CSMD1: variants seen among roughly 807,000 people sequenced by gnomAD.
CSMD1 encodes CUB and sushi domain-containing protein 1.
A neutral mutation model predicts 417.5 loss-of-function variants in CSMD1; 213 were observed. The observed-to-expected ratio is 0.51, with a 90% CI of 0.46 to 0.57. The LOEUF (loss-of-function observed/expected upper bound fraction) is 0.57, where lower values mean the gene tolerates loss of function less well. Among genes scored for constraint, CSMD1 ranks in the 20% least tolerant of loss-of-function variants. CSMD1 has a pLI of 0.00. For synonymous variants in CSMD1, 2,862 were observed against 1,736.8 expected, an observed-to-expected ratio of 1.65 and a Z score of -16.11; for missense variants, 6,923 against 4,529.7, an observed-to-expected ratio of 1.53 and a Z score of -15.17.
chr8:3,352,593 A>T (rs928404148), intron 21 of CSMD1, among the ~76,000 whole-genome samples: 16 of 152,200 alleles, frequency 1.1e-4, no homozygotes, highest in Non-Finnish European at 2.1e-4. Context: ...TAATCCTAGC[A>T]GTTTGGGAGC....
At chr8:4,098,093 A>C (rs929456441) in intron 3 of CSMD1, among the ~76,000 whole-genome samples, 3 of 152,222 alleles carry the variant, frequency 2.0e-5, no homozygotes, top group African/African-American at 4.8e-5. Flanking sequence ...ATATCTCAAC[A>C]ACAAAGGCTG....
intron 1 of CSMD1, among the ~76,000 whole-genome samples, chr8:4,748,287 T>C (rs1383132553): frequency 6.6e-6 from 1 of 152,236 alleles, no homozygotes; most frequent in Non-Finnish European, 1.5e-5. Flanking sequence ...CAAATCATCA[T>C]CCTTTCTACA....
intron 23 of CSMD1, among the ~76,000 whole-genome samples, chr8:3,314,304 G>C (rs1030863478): frequency 1.3e-5 from 2 of 152,100 alleles, no homozygotes; most frequent in Non-Finnish European, 2.9e-5. Context: ...ATTCTACAAA[G>C]ATATTCTTCC....
intron 1 of CSMD1, among the ~76,000 whole-genome samples, chr8:4,920,866 GAAAAGAAAAGAAAAGAAAAGAAAAGA>G (rs1806396754): frequency 3.5e-4 from 2 of 5,734 alleles, no homozygotes; most frequent in African/African-American, 7.0e-4. Flanking sequence ...GAAAAGAAAA[GAAAAGAAAAGAAAAGAAAAGAAAAGA>G]AAAGAAAAGA....
chr8:4,554,605 C>G (rs1017430246), intron 2 of CSMD1, among the ~76,000 whole-genome samples: 1 of 152,142 alleles, frequency 6.6e-6, no homozygotes, highest in African/African-American at 2.4e-5. Flanking sequence ...ATACACCGTT[C>G]TCAGGATGTG....
intron 5 of CSMD1, among the ~76,000 whole-genome samples, chr8:3,817,131 T>G (rs577725255): frequency 6.6e-6 from 1 of 151,990 alleles, no homozygotes; most frequent in Non-Finnish European, 1.5e-5. Flanking sequence ...GAGCTCTTCA[T>G]GATGAAGGGA....
At chr8:4,152,668 C>A (rs983451684) in intron 3 of CSMD1, among the ~76,000 whole-genome samples, 1 of 151,638 alleles carries the variant, frequency 6.6e-6, no homozygotes, top group African/African-American at 2.4e-5. Context: ...GCAACCCAAG[C>A]AACAGAGCGA....
At chr8:4,092,679 T>A (rs1443841191) in intron 3 of CSMD1, among the ~76,000 whole-genome samples, 1 of 152,204 alleles carries the variant, frequency 6.6e-6, no homozygotes, top group East Asian at 1.9e-4. Context: ...AGGTCCTTTT[T>A]CTTGAATATT....
At chr8:3,646,308 T>C (rs1325957849) in intron 7 of CSMD1, among the ~76,000 whole-genome samples, 1 of 152,168 alleles carries the variant, frequency 6.6e-6, no homozygotes, top group East Asian at 1.9e-4. Flanking sequence ...ATATACTAAA[T>C]ATACTAAAAT....
At chr8:3,864,348 G>C (rs2975362) in intron 5 of CSMD1, among the ~76,000 whole-genome samples, 33,625 of 140,374 alleles carry the variant, frequency 0.24, 3,876 homozygotes, top group East Asian at 0.35. Context: ...ACGATGCATA[G>C]ATAACCACAG....
At chr8:4,459,196 A>T (rs1475485499) in intron 2 of CSMD1, among the ~76,000 whole-genome samples, 1 of 152,202 alleles carries the variant, frequency 6.6e-6, no homozygotes, top group African/African-American at 2.4e-5. Context: ...CCAACAGGCC[A>T]TGTCGCTTTC....
At chr8:4,643,086 T>C (rs1803304051) in intron 1 of CSMD1, among the ~76,000 whole-genome samples, 1 of 152,140 alleles carries the variant, frequency 6.6e-6, no homozygotes, top group Non-Finnish European at 1.5e-5. Flanking sequence ...TGTGTGTAAA[T>C]AGAGTCCAGG....
chr8:4,174,268 G>C (rs752809107), intron 3 of CSMD1, among the ~76,000 whole-genome samples: 1 of 152,174 alleles, frequency 6.6e-6, no homozygotes. Flanking sequence ...TCTTCAGCAA[G>C]AATAGAGGCT....
chr8:4,815,865 G>A (rs905207541), intron 1 of CSMD1, among the ~76,000 whole-genome samples: 2 of 152,104 alleles, frequency 1.3e-5, no homozygotes, highest in African/African-American at 4.8e-5. Context: ...GTTTTAAAGA[G>A]TGGGACTGCT....
At chr8:3,879,836 CGT>C (rs55713446) in intron 5 of CSMD1, among the ~76,000 whole-genome samples, 35,108 of 150,444 alleles carry the variant, frequency 0.23, 5,366 homozygotes, top group African/African-American at 0.44. Context: ...TGTGCGTGTG[CGT>C]GTGTGTGTGT....
rs538377904 is a variant in CSMD1 at position 3,478,159 on chromosome 8, C to T, written c.1449-9335G>A. On this transcript the variant is annotated intron_variant, in intron 11 of 69. Transcript: ENST00000635120. Reference sequence around the variant, plus strand: ...TTATTTACTGTGCTGAAATCCATTACAGCCAGGTGGCACAGAAGATGATGT... The same window carrying T: ...TTATTTACTGTGCTGAAATCCATTATAGCCAGGTGGCACAGAAGATGATGT... Among the ~76,000 whole-genome samples the T allele has an allele frequency of 1.6e-4, 24 of 152,332 alleles. 1 individual carries two copies. The South Asian group carries it at 4.8e-3, about 30-fold the overall frequency.
intron 1 of CSMD1, among the ~76,000 whole-genome samples, chr8:4,687,591 G>A (rs1446153318): frequency 6.6e-6 from 1 of 152,160 alleles, no homozygotes; most frequent in African/African-American, 2.4e-5. Context: ...AATTTAACAA[G>A]AAAGGTAGTT....
Position 4,537,369 on chromosome 8 carries a change from C to G in CSMD1, c.302+99973G>C, listed in dbSNP as rs148353023. 5.0e-4 allele frequency among the ~76,000 whole-genome samples: 76 copies of G among 152,180 alleles called. No homozygotes were observed. The East Asian group carries it at 0.014, about 28-fold the overall frequency. On this transcript the variant is annotated intron_variant, in intron 2 of 69. Transcript: ENST00000635120. ...AGATTATTATATAAAGAAAGTTGTG[C>G]TAATTCTGTAGGGCAATGTAATATT... is the stretch of plus-strand genomic sequence containing the variant.
chr8:4,044,983 T>C (rs971104953), intron 3 of CSMD1, among the ~76,000 whole-genome samples: 1 of 152,240 alleles, frequency 6.6e-6, no homozygotes, highest in Non-Finnish European at 1.5e-5. Flanking sequence ...ACGGAGGAGT[T>C]TCTACTTCCT....
Sources: allele counts gnomAD v4.1 joint callset (sites outside exome capture counted in the v4.1 genomes callset), GRCh38; gene constraint gnomAD v4.1.1; transcripts MANE v1.5; gene names NCBI Gene and HGNC (gene_info 2026-07-23, HGNC 2026-07-21).